LMO1: variants seen among roughly 807,000 people sequenced by gnomAD.
LMO1 encodes the protein LIM domain only 1.
A neutral mutation model predicts 18.0 loss-of-function variants in LMO1; 10 were observed. The ratio of observed to expected loss-of-function variants is 0.55; its 90% CI spans 0.34 to 0.94. The LOEUF is 0.94. LMO1 is among the 40% of genes least tolerant of loss of function. The probability of loss-of-function intolerance (pLI) is 0.02; values close to 1 mark genes in which losing one functional copy is unlikely to be tolerated. For synonymous variants in LMO1, 77 were observed against 77.9 expected, an observed-to-expected ratio of 0.99 and a Z score of 0.06; for missense variants, 183 against 205.7, an observed-to-expected ratio of 0.89 and a Z score of 0.68.
intron 1 of LMO1, among the ~76,000 whole-genome samples, chr11:8,231,628 C>T (rs891944951): frequency 2.0e-5 from 3 of 152,184 alleles, no homozygotes; most frequent in Non-Finnish European, 2.9e-5. Context: ...TGTGCATGCT[C>T]CGTTCCTGAC....
In LMO1 at chr11:8,224,528, C is replaced by T; in HGVS notation, c.*88G>A. 1 of 763,852 alleles carries T rather than the reference C, an allele frequency of 1.3e-6. No homozygotes were observed. The highest frequency in any genetic ancestry group is 2.2e-6 in the Non-Finnish European group (1 of 451,452). 47.3% of individuals were successfully genotyped at this position (763,852 alleles called of 1,614,324 possible). A position where few individuals can be genotyped will look rare whatever the true frequency, so the allele number is the denominator to read the frequency against. ...TGTGGCAGGAGAGCGGCTGGCCAGC[C>T]TGCACTGGTAGAGTGGCTGGCTGGC... On this transcript the variant is annotated 3_prime_UTR_variant, in exon 4 of 4. Coordinates refer to ENST00000335790, the MANE Select transcript of LMO1 (RefSeq NM_002315.3).
chr11:8,263,867 C>T lies in LMO1; in HGVS notation c.-505G>A. 9.6e-7 allele frequency: 1 copy of T among 1,041,866 alleles called. No homozygotes were observed. The highest frequency in any genetic ancestry group is 1.2e-6 in the Non-Finnish European group (1 of 865,810). 64.5% of individuals were successfully genotyped at this position (1,041,866 alleles called of 1,614,324 possible). ...CGTGGCCGTCTCCCGCTGCCTTTCT[C>T]CCTCAATGTATGAGGTTTGCACTCC... On this transcript the variant is annotated 5_prime_UTR_variant, in exon 1 of 4. Transcript: ENST00000335790.
chr11:8,235,629 ATTCCTAAACGT>A (rs1308473994), intron 1 of LMO1, among the ~76,000 whole-genome samples: 1 of 152,228 alleles, frequency 6.6e-6, no homozygotes, highest in African/African-American at 2.4e-5. Flanking sequence ...ATCTGGAAGA[ATTCCTAAACGT>A]TTCTTTTGTG....
intron 3 of LMO1, 145 bp from the exon 4 acceptor site, chr11:8,224,866 A>C: frequency 1.6e-6 from 1 of 642,524 alleles, no homozygotes; most frequent in Non-Finnish European, 2.8e-6. Context: ...TCCAGAGGGA[A>C]CTGCCAAAAG....
At chr11:8,236,797 C>G (rs1239936845) in intron 1 of LMO1, among the ~76,000 whole-genome samples, 1 of 152,210 alleles carries the variant, frequency 6.6e-6, no homozygotes, top group South Asian at 2.1e-4. Flanking sequence ...CGCTGGCATA[C>G]AGTAGGTGCT....
chr11:8,268,570 C>G, upstream of LMO1: 2 of 745,806 alleles, frequency 2.7e-6, no homozygotes, highest in South Asian at 6.1e-5. Flanking sequence ...TCCGGAGAGC[C>G]GCGACCGCCG....
At chr11:8,241,844 G>A (rs1423774867) in intron 1 of LMO1, among the ~76,000 whole-genome samples, 6 of 150,886 alleles carry the variant, frequency 4.0e-5, no homozygotes, top group African/African-American at 1.5e-4. Context: ...AAGAACAAAA[G>A]CCCCATGAAG....
intron 1 of LMO1, among the ~76,000 whole-genome samples, chr11:8,245,354 C>T (rs1399807134): frequency 3.3e-5 from 5 of 152,086 alleles, no homozygotes; most frequent in East Asian, 1.9e-4. Context: ...TTGTGAACTC[C>T]GGCAAGTCAT....
At chr11:8,228,324 A>T (rs1211874080) in intron 2 of LMO1, among the ~76,000 whole-genome samples, 1 of 152,224 alleles carries the variant, frequency 6.6e-6, no homozygotes, top group African/African-American at 2.4e-5. Flanking sequence ...AGCAAGCCCC[A>T]AGTGAGGCAA....
chr11:8,253,966 G>A (rs938647734), intron 1 of LMO1, among the ~76,000 whole-genome samples: 25 of 152,138 alleles, frequency 1.6e-4, no homozygotes, highest in Non-Finnish European at 3.2e-4. Context: ...GCGTCAGACT[G>A]TAATATTTTG....
At chr11:8,268,678 C>T (rs1033342878), upstream of LMO1, 18 of 286,816 alleles carry the variant, frequency 6.3e-5, no homozygotes, top group Non-Finnish European at 1.0e-4. Flanking sequence ...ACGGCCAGGC[C>T]GGGATCGCGG....
upstream of LMO1, among the ~76,000 whole-genome samples, chr11:8,264,700 C>T (rs1298077605): frequency 6.6e-6 from 1 of 151,558 alleles, no homozygotes; most frequent in Admixed American, 6.6e-5. Flanking sequence ...GGTGTGATCT[C>T]GGCTCACTGC....
chr11:8,255,633 T>C (rs1463110308), intron 1 of LMO1, among the ~76,000 whole-genome samples: 1 of 152,160 alleles, frequency 6.6e-6, no homozygotes, highest in Admixed American at 6.5e-5. Flanking sequence ...TCAGCCATCC[T>C]CCATCCTCCA....
chr11:8,237,565 G>A (rs577956424), intron 1 of LMO1, among the ~76,000 whole-genome samples: 5 of 152,336 alleles, frequency 3.3e-5, no homozygotes, highest in African/African-American at 1.2e-4. Context: ...GTTGAAACGC[G>A]CGGCTACAGC....
At chr11:8,261,926 C>G (rs1847192779) in intron 1 of LMO1, among the ~76,000 whole-genome samples, 1 of 152,190 alleles carries the variant, frequency 6.6e-6, no homozygotes, top group Non-Finnish European at 1.5e-5. Context: ...CATCCTCTCT[C>G]TTCCTACACA....
intron 1 of LMO1, among the ~76,000 whole-genome samples, chr11:8,236,838 C>A (rs1022854737): frequency 2.0e-5 from 3 of 152,204 alleles, no homozygotes; most frequent in Non-Finnish European, 4.4e-5. Context: ...CATACCCATG[C>A]ATCTAAGCAC....
upstream of LMO1, among the ~76,000 whole-genome samples, chr11:8,264,858 C>A (rs1266739798): frequency 6.6e-6 from 1 of 152,220 alleles, no homozygotes; most frequent in Non-Finnish European, 1.5e-5. Flanking sequence ...GTCTCGAACT[C>A]CTGACCTCGT....
intron 2 of LMO1, among the ~76,000 whole-genome samples, chr11:8,229,872 A>T (rs1952621186): frequency 1.3e-5 from 2 of 152,174 alleles, no homozygotes; most frequent in Admixed American, 1.3e-4. Flanking sequence ...TGGGAGATGG[A>T]AAGAGACTGC....
chr11:8,251,863 ATGTGTGTGAGTG>A, intron 1 of LMO1, among the ~76,000 whole-genome samples: 1 of 31,208 alleles, frequency 3.2e-5, no homozygotes, highest in Non-Finnish European at 6.2e-5. Context: ...GTGTGTGTGA[ATGTGTGTGAGTG>A]TGTGTGTGTA....
Sources: gnomAD v4.1 joint callset for allele counts (sites outside exome capture counted in the v4.1 genomes callset) on GRCh38, gnomAD v4.1.1 for gene constraint, MANE v1.5 for transcripts, NCBI Gene and HGNC (gene_info 2026-07-23, HGNC 2026-07-21) for gene names.